Variants in PTPRQ observed in about 807,000 individuals in gnomAD.
PTPRQ encodes the protein phosphatidylinositol phosphatase PTPRQ.
PTPRQ carries 199 observed loss-of-function variants against 246.0 expected under a neutral mutation model. The observed-to-expected ratio is 0.81, with a 90% confidence interval of 0.72 to 0.91. The LOEUF (loss-of-function observed/expected upper bound fraction) is 0.91, where lower values mean the gene tolerates loss of function less well. Among genes scored for constraint, PTPRQ ranks in the 40% least tolerant of loss-of-function variants. The pLI is 0.00. For missense variants in PTPRQ, 2,624 were observed against 2,528.4 expected, an observed-to-expected ratio of 1.04 and a Z score of -0.81; for synonymous variants, 869 against 853.2, an observed-to-expected ratio of 1.02 and a Z score of -0.32.
At chr12:80,614,747 A>G (rs1048782384) in intron 29 of PTPRQ, among the ~76,000 whole-genome samples, 3 of 150,702 alleles carry the variant, frequency 2.0e-5, no homozygotes, top group African/African-American at 7.3e-5. Flanking sequence ...GTGCCAGGGC[A>G]GCTTTATCAA....
intron 27 of PTPRQ, among the ~76,000 whole-genome samples, chr12:80,606,389 T>C (rs555937624): frequency 2.9e-4 from 44 of 151,074 alleles, no homozygotes; most frequent in Middle Eastern, 3.4e-3. Context: ...AAGAGGCCAT[T>C]GAAGAGACTG....
At chr12:80,555,260 A>G (rs546497375) in intron 25 of PTPRQ, among the ~76,000 whole-genome samples, 18 of 151,656 alleles carry the variant, frequency 1.2e-4, no homozygotes, top group Admixed American at 2.6e-4. Context: ...TAGTCTCACT[A>G]TGTTGCCCAG....
intron 39 of PTPRQ, among the ~76,000 whole-genome samples, chr12:80,665,276 C>T (rs1247755878): frequency 6.6e-6 from 1 of 152,046 alleles, no homozygotes; most frequent in East Asian, 1.9e-4. Context: ...TGGCAATACC[C>T]TCACAGACAC....
At chr12:80,493,088 C>A (rs934125967) in intron 9 of PTPRQ, among the ~76,000 whole-genome samples, 187 bp from the exon 10 acceptor site, 1 of 151,758 alleles carries the variant, frequency 6.6e-6, no homozygotes, top group African/African-American at 2.4e-5. Context: ...CAATGTGTTA[C>A]AATGATTCAG....
intron 12 of PTPRQ, 81 bp from the exon 13 acceptor site, chr12:80,495,918 T>C: frequency 2.1e-6 from 3 of 1,452,476 alleles, no homozygotes; most frequent in South Asian, 2.7e-5. Flanking sequence ...TAAATTCTTC[T>C]TACTGGCCTT....
intron 17 of PTPRQ, among the ~76,000 whole-genome samples, chr12:80,528,816 C>T (rs899709230): frequency 6.6e-6 from 1 of 152,164 alleles, no homozygotes; most frequent in Non-Finnish European, 1.5e-5. Context: ...CTTGTGTCTG[C>T]TCTAAAGCTA....
At chr12:80,535,968 G>C (rs1230062553) in intron 19 of PTPRQ, among the ~76,000 whole-genome samples, 4 of 152,098 alleles carry the variant, frequency 2.6e-5, no homozygotes, top group Admixed American at 6.5e-5. Context: ...TTAGCCAGGC[G>C]TCGTGGCAGG....
chr12:80,630,406 C>T (rs185338627), intron 33 of PTPRQ, among the ~76,000 whole-genome samples: 64 of 151,976 alleles, frequency 4.2e-4, no homozygotes, highest in Non-Finnish European at 7.6e-4. Flanking sequence ...TTTGAGTATT[C>T]GCAGTCAACA....
intron 36 of PTPRQ, among the ~76,000 whole-genome samples, 161 bp downstream of exon 36, chr12:80,649,084 A>C (rs1900171190): frequency 6.6e-6 from 1 of 152,118 alleles, no homozygotes; most frequent in African/African-American, 2.4e-5. Context: ...TGGTAACTGG[A>C]GAAATGCTTT....
chr12:80,678,676 T>C lies in PTPRQ; in HGVS notation c.6813T>C (p.Phe2271=), dbSNP rs1212027286. 2 of 1,550,504 alleles carry C rather than the reference T, an allele frequency of 1.3e-6. No homozygotes were observed. The highest frequency in any genetic ancestry group is 1.7e-6 in the Non-Finnish European group (2 of 1,146,232). The change falls in exon 44 of 45, where the codon TTT becomes TTC. Residue 2271 remains phenylalanine, a synonymous_variant. Transcript: ENST00000644991. ...AGGGAAGTAATCAGCCCATCTGTTT[T>C]GTTAACTATTCAGCACTTCAGAAGA... ...SNKGSNQPIC[F]VNYSALQKMD... is the part of the protein sequence containing the mutation.
intron 32 of PTPRQ, among the ~76,000 whole-genome samples, chr12:80,620,898 C>G (rs1045034881): frequency 3.3e-5 from 5 of 151,728 alleles, no homozygotes; most frequent in African/African-American, 1.2e-4. Flanking sequence ...CCCCTAAAAA[C>G]CCAACATTTT....
At chr12:80,601,829 G>A (rs561736404) in intron 26 of PTPRQ, among the ~76,000 whole-genome samples, 39 of 151,862 alleles carry the variant, frequency 2.6e-4, no homozygotes, top group African/African-American at 9.2e-4. Flanking sequence ...GCTCTCATCT[G>A]TTATGTATAA....
chr12:80,533,929 G>T, intron 17 of PTPRQ, 86 bp from the exon 18 acceptor site: 1 of 982,078 alleles, frequency 1.0e-6, no homozygotes. Context: ...ATATATTAAT[G>T]TTGTTTACTT....
Position 80,459,285 on chromosome 12 carries a change from T to C in PTPRQ, c.462T>C (p.Ala154=). The change falls in exon 5 of 45, where the codon GCT becomes GCC. Residue 154 remains alanine (A), a splice_region_variant and synonymous_variant. Transcript: ENST00000644991. ...DPFLFQTAES[A]PGKVVNLTVE... is the part of the protein sequence containing the mutation. ...CTTCCCAATCTTTCTCTTCCCCAGC[T>C]CCAGGAAAAGTGGTGAATCTCACAG... The C allele has an allele frequency of 2.5e-6, 1 of 398,420 alleles. No individual in the cohort carries two copies. The highest frequency in any genetic ancestry group is 3.6e-5 in the East Asian group (1 of 28,062). 24.7% of individuals were successfully genotyped at this position (398,420 alleles called of 1,614,324 possible).
chr12:80,518,324 T>C (rs1193307261), intron 17 of PTPRQ, among the ~76,000 whole-genome samples: 7 of 152,176 alleles, frequency 4.6e-5, no homozygotes, highest in Admixed American at 4.6e-4. Flanking sequence ...CATTTTTGAT[T>C]GGATTGTTAG....
chr12:80,652,947 T>A, intron 38 of PTPRQ, 113 bp downstream of exon 38: 3 of 1,161,660 alleles, frequency 2.6e-6, no homozygotes, highest in Non-Finnish European at 3.3e-6. Context: ...ATTATAATAA[T>A]GTATTTTATT....
intron 14 of PTPRQ, 33 bp downstream of exon 14, chr12:80,496,564 TAC>T: frequency 6.5e-7 from 1 of 1,528,888 alleles, no homozygotes; most frequent in Middle Eastern, 1.7e-4. Flanking sequence ...TGTTTAATAA[TAC>T]ACAGTGATAT....
chr12:80,472,021 G>C, intron 7 of PTPRQ, 84 bp from the exon 8 acceptor site: 1 of 1,492,466 alleles, frequency 6.7e-7, no homozygotes, highest in Non-Finnish European at 9.0e-7. Flanking sequence ...CACTTGAATT[G>C]TTGTCTTTGG....
At chr12:80,590,267 A>G (rs1456852048) in intron 26 of PTPRQ, among the ~76,000 whole-genome samples, 2 of 152,256 alleles carry the variant, frequency 1.3e-5, no homozygotes, top group East Asian at 3.9e-4. Flanking sequence ...CTATTACATT[A>G]GTACAACTCT....
Sources: allele counts gnomAD v4.1 joint callset (sites outside exome capture counted in the v4.1 genomes callset), GRCh38; gene constraint gnomAD v4.1.1; transcripts MANE v1.5; gene names NCBI Gene and HGNC (gene_info 2026-07-23, HGNC 2026-07-21).